TMEM178B: variants seen among roughly 807,000 people sequenced by gnomAD.
TMEM178B encodes the protein transmembrane protein 178B.
Under a neutral mutation model 31.0 loss-of-function variants are expected in TMEM178B, and 5 were observed. That is an observed-to-expected ratio of 0.16 (90% CI 0.08 to 0.34). The LOEUF is 0.34. TMEM178B is among the 10% of genes least tolerant of loss of function. TMEM178B has a pLI of 1.00. For synonymous variants in TMEM178B, 164 were observed against 164.0 expected, an observed-to-expected ratio of 1.00 and a Z score of 0.00; for missense variants, 275 against 400.3, an observed-to-expected ratio of 0.69 and a Z score of 2.67.
rs1472546601 is a variant in TMEM178B, at chr7:141,253,667, C to T, written c.496+40963C>T. ...CCAGGTTCAGGTGATTCTCCTGTTT[C>T]AGCCTCCTAAGTAGCTGGGATTACA... is the stretch of plus-strand genomic sequence containing the variant. On this transcript the variant is annotated intron_variant, in intron 2 of 3. Coordinates refer to ENST00000565468, the MANE Select transcript of TMEM178B (RefSeq NM_001195278.2). 2.1e-5 allele frequency among the ~76,000 whole-genome samples: 3 copies of T among 142,798 alleles called. No individual in the cohort carries two copies. The South Asian group carries it at 6.9e-4, about 33-fold the overall frequency. 93.7% of individuals were successfully genotyped at this position (142,798 alleles called of 152,430 possible). A position where few individuals can be genotyped will look rare whatever the true frequency, so the allele number is the denominator to read the frequency against.
intron 1 of TMEM178B, among the ~76,000 whole-genome samples, chr7:141,211,313 A>G (rs189029823): frequency 4.5e-4 from 68 of 152,336 alleles, no homozygotes; most frequent in African/African-American, 1.6e-3. Flanking sequence ...TGGGAGGAGC[A>G]TCTGCCAATA....
intron 2 of TMEM178B, among the ~76,000 whole-genome samples, chr7:141,312,140 T>C (rs7800882): frequency 0.75 from 113,622 of 152,170 alleles, 43,396 homozygotes; most frequent in African/African-American, 0.9. Context: ...CTCCACTCCT[T>C]AATTTGAATC....
chr7:141,453,641 C>T (rs1801906913), intron 3 of TMEM178B, among the ~76,000 whole-genome samples: 1 of 152,198 alleles, frequency 6.6e-6, no homozygotes, highest in Non-Finnish European at 1.5e-5. Flanking sequence ...GGGAGCCTCC[C>T]TCTGCTGGGG....
intron 2 of TMEM178B, among the ~76,000 whole-genome samples, chr7:141,329,733 T>A (rs1164223023): frequency 6.6e-6 from 1 of 152,214 alleles, no homozygotes; most frequent in Non-Finnish European, 1.5e-5. Context: ...TTTACTCAAG[T>A]TACACAGTCT....
intron 2 of TMEM178B, among the ~76,000 whole-genome samples, chr7:141,289,724 A>G (rs1447416710): frequency 1.3e-5 from 2 of 151,426 alleles, no homozygotes; most frequent in Non-Finnish European, 2.9e-5. Flanking sequence ...CAAAAAAAAA[A>G]AAAAAAAGAA....
intron 1 of TMEM178B, among the ~76,000 whole-genome samples, chr7:141,095,389 A>C (rs1009490666): frequency 1.3e-5 from 2 of 152,206 alleles, no homozygotes; most frequent in Non-Finnish European, 2.9e-5. Flanking sequence ...GTGTCTGGTA[A>C]TATGATGAGT....
rs2116732948 is a variant in TMEM178B, at chr7:141,472,260, T to C, written c.*1474T>C. 1 of 152,254 alleles carries C rather than the reference T, an allele frequency of 6.6e-6. No individual in the cohort carries two copies. The highest frequency in any genetic ancestry group is 1.9e-4 in the East Asian group (1 of 5,184). The allele number at this position is 152,254 out of a possible 1,614,324, so 9.4% of individuals were successfully genotyped here. On this transcript the variant is annotated 3_prime_UTR_variant, in exon 4 of 4. Transcript: ENST00000565468. ...GGGCTCAAGTTTGTATGATATTGTG[T>C]AAATTAATGCAGAACTCTTGACTCT...
the TMEM178B span, among the ~76,000 whole-genome samples, chr7:141,504,324 G>A: frequency 3.4e-4 from 52 of 152,250 alleles, no homozygotes; most frequent in African/African-American, 1.2e-3. Context: ...TAGTGAATAC[G>A]CTTCAGTTTT....
chr7:141,246,686 C>CTCTAA (rs1797735598), intron 2 of TMEM178B, among the ~76,000 whole-genome samples: 1 of 151,606 alleles, frequency 6.6e-6, no homozygotes, highest in Non-Finnish European at 1.5e-5. Flanking sequence ...TAAGCAAAGG[C>CTCTAA]GTAGAGGTGG....
At chr7:141,484,725 C>A (rs1337241977), downstream of TMEM178B, among the ~76,000 whole-genome samples, 18 of 152,010 alleles carry the variant, frequency 1.2e-4, no homozygotes. This position sits in a 1 kb window ranked among gnomAD's most constrained non-coding sequence, Gnocchi z 4.8. Context: ...CTACGCCTGG[C>A]TAATTTTTGT....
chr7:141,396,416 T>C (rs1563170771), intron 2 of TMEM178B, among the ~76,000 whole-genome samples: 1 of 152,236 alleles, frequency 6.6e-6, no homozygotes, highest in Non-Finnish European at 1.5e-5. Context: ...CTTACTCTGC[T>C]GTGCCGCAGG....
rs114609807 is a variant in TMEM178B at position 141,147,454 on chromosome 7, A to G, written c.383-65137A>G. Among the ~76,000 whole-genome samples, 312 of 152,316 alleles carry G rather than the reference A, an allele frequency of 2.0e-3. 3 individuals are homozygous for G. The highest frequency in any genetic ancestry group is 7.0e-3 in the African/African-American group (291 of 41,580). On this transcript the variant is annotated intron_variant, in intron 1 of 3. Coordinates refer to ENST00000565468, the MANE Select transcript of TMEM178B (RefSeq NM_001195278.2). ...AGGAGGGATGTGTTAAGATTTTTGC[A>G]TTTTAAAAAGAAAAATGCCACATGG... is the stretch of plus-strand genomic sequence containing the variant.
rs536885917 is a variant in TMEM178B, at chr7:141,271,636, A to G, written c.496+58932A>G. 5.5e-4 allele frequency among the ~76,000 whole-genome samples: 84 copies of G among 152,288 alleles called. 1 individual carries two copies. In the South Asian group the frequency reaches 0.017, roughly 31 times the overall value. On this transcript the variant is annotated intron_variant, in intron 2 of 3. Coordinates refer to ENST00000565468, the MANE Select transcript of TMEM178B (RefSeq NM_001195278.2). The stretch of plus-strand genomic sequence containing the variant: ...GTCATTAGTTGCTGTTTCAAAACAA[A>G]ATCCTTCTGTCATTGATCTTGGCTC...
intron 2 of TMEM178B, among the ~76,000 whole-genome samples, chr7:141,328,473 G>C (rs571147131): frequency 6.6e-6 from 1 of 152,302 alleles, no homozygotes; most frequent in Non-Finnish European, 1.5e-5. Context: ...AAGAGCTCTT[G>C]CCTAAGAGAT....
intron 1 of TMEM178B, among the ~76,000 whole-genome samples, chr7:141,131,869 T>A (rs931100244): frequency 6.6e-6 from 1 of 152,206 alleles, no homozygotes; most frequent in Non-Finnish European, 1.5e-5. Context: ...AAACTGGCTG[T>A]CCTCAAAAGT....
At chr7:141,377,341 G>A (rs1313528775) in intron 2 of TMEM178B, among the ~76,000 whole-genome samples, 1 of 151,618 alleles carries the variant, frequency 6.6e-6, no homozygotes, top group African/African-American at 2.4e-5. Flanking sequence ...TTACCACCAC[G>A]CCCAGCTAAT....
rs548156176 is a variant in TMEM178B, at chr7:141,315,265, G to A, written c.496+102561G>A. Among the ~76,000 whole-genome samples, 5 of 152,250 alleles carry A rather than the reference G, an allele frequency of 3.3e-5. No homozygotes were observed. The East Asian group carries it at 9.7e-4, about 29-fold the overall frequency. ...GATTAATCTTCTGAAATCCCCTCAT[G>A]CCTCCACCAGGTCCTCTGTGCAAAC... On this transcript the variant is annotated intron_variant, in intron 2 of 3. Coordinates refer to ENST00000565468, the MANE Select transcript of TMEM178B (RefSeq NM_001195278.2).
At chr7:141,184,998 G>A (rs774526833) in intron 1 of TMEM178B, among the ~76,000 whole-genome samples, 1 of 152,184 alleles carries the variant, frequency 6.6e-6, no homozygotes, top group Non-Finnish European at 1.5e-5. Flanking sequence ...AAAGCTCAGC[G>A]CAGTTGAAAC....
At chr7:141,436,830 C>T (rs1801552550) in intron 2 of TMEM178B, among the ~76,000 whole-genome samples, 1 of 152,162 alleles carries the variant, frequency 6.6e-6, no homozygotes, top group Admixed American at 6.5e-5. Flanking sequence ...CCCTCTTCCT[C>T]CTGGAGCTGA....
Sources: gnomAD v4.1 joint callset for allele counts (sites outside exome capture counted in the v4.1 genomes callset) on GRCh38, gnomAD v4.1.1 for gene constraint, Gnocchi (gnomAD v3.1) non-coding constraint, MANE v1.5 for transcripts, NCBI Gene and HGNC (gene_info 2026-07-23, HGNC 2026-07-21) for gene names.